Variants in RAB28 observed in about 807,000 individuals in gnomAD.
The protein encoded by RAB28 is RAB28, member RAS oncogene family, also known as ras-related protein Rab-28.
In RAB28, 24 loss-of-function variants were observed where a neutral mutation model predicts 31.7. The observed-to-expected ratio is 0.76, with a 90% CI of 0.55 to 1.06. The LOEUF is 1.06. Among genes scored for constraint, RAB28 ranks in the 50% least tolerant of loss-of-function variants. The pLI is 0.00. For synonymous variants in RAB28, 100 were observed against 90.4 expected (o/e 1.11, Z -0.60); for missense variants, 254 against 258.5 (o/e 0.98, Z 0.12).
intron 4 of RAB28, among the ~76,000 whole-genome samples, chr4:13,389,449 T>C (rs1729528941): frequency 6.6e-6 from 1 of 151,992 alleles, no homozygotes; most frequent in Non-Finnish European, 1.5e-5. Context: ...GTAAATTTTG[T>C]AGTTTTTTAA....
At chr4:13,404,871 G>A (rs1489168515) in intron 4 of RAB28, among the ~76,000 whole-genome samples, 2 of 149,384 alleles carry the variant, frequency 1.3e-5, no homozygotes, top group Non-Finnish European at 3.0e-5. Context: ...TTTTTTGTTG[G>A]TTTTCAGTTA....
At chr4:13,406,567 G>A (rs894806261) in intron 4 of RAB28, among the ~76,000 whole-genome samples, 2 of 152,150 alleles carry the variant, frequency 1.3e-5, no homozygotes, top group African/African-American at 4.8e-5. Flanking sequence ...GACCATTGAG[G>A]AATCGCCACA....
chr4:13,372,203 G>A (rs914241413), intron 6 of RAB28, among the ~76,000 whole-genome samples: 2 of 152,050 alleles, frequency 1.3e-5, no homozygotes, highest in African/African-American at 4.8e-5. Context: ...GTCTAGCACA[G>A]AAAACAGATG....
chr4:13,402,489 T>C (rs1711826331), intron 4 of RAB28, among the ~76,000 whole-genome samples: 1 of 152,228 alleles, frequency 6.6e-6, no homozygotes, highest in Non-Finnish European at 1.5e-5. Context: ...GATCAATATG[T>C]AATGTCCTCC....
chr4:13,394,047 T>C (rs1336558926), intron 4 of RAB28, among the ~76,000 whole-genome samples: 2 of 152,148 alleles, frequency 1.3e-5, no homozygotes, highest in East Asian at 3.8e-4. Context: ...TAAGTGAGCA[T>C]GTAAATAAAT....
intron 4 of RAB28, among the ~76,000 whole-genome samples, chr4:13,418,683 T>G (rs1359457144): frequency 6.6e-6 from 1 of 152,164 alleles, no homozygotes; most frequent in Non-Finnish European, 1.5e-5. Context: ...AATAAAATCC[T>G]TTACAGTCAA....
rs545982559 is a variant in RAB28, at chr4:13,478,172, G to A, written c.172+1258C>T. Among the ~76,000 whole-genome samples, 6 of 151,688 alleles carry A rather than the reference G, an allele frequency of 4.0e-5. No homozygotes were observed. The South Asian group carries it at 1.2e-3, about 31-fold the overall frequency. On this transcript the variant is annotated intron_variant, in intron 2 of 6. Transcript: ENST00000330852. ...GCTAGTGACTGCTGTTAAGTATTCT[G>A]AATGCAGCATAGATTATCCGTAAGA...
chr4:13,371,553 G>A, intron 6 of RAB28: 1 of 984,884 alleles, frequency 1.0e-6, no homozygotes, highest in Non-Finnish European at 1.2e-6. Flanking sequence ...TCAAATTAAT[G>A]AAGAATTAAC....
chr4:13,395,431 A>C (rs1050057493), intron 4 of RAB28, among the ~76,000 whole-genome samples: 1 of 152,082 alleles, frequency 6.6e-6, no homozygotes, highest in African/African-American at 2.4e-5. Flanking sequence ...AACAAGCAAA[A>C]TTCCCTTAAT....
intron 3 of RAB28, among the ~76,000 whole-genome samples, chr4:13,465,633 C>T (rs1715801871): frequency 6.6e-6 from 1 of 151,702 alleles, no homozygotes; most frequent in East Asian, 1.9e-4. Context: ...CAAACCTGCT[C>T]TGAAGGAAAT....
chr4:13,445,642 G>A (rs922828618), intron 4 of RAB28, among the ~76,000 whole-genome samples: 1 of 152,124 alleles, frequency 6.6e-6, no homozygotes, highest in Non-Finnish European at 1.5e-5. Flanking sequence ...AGTTTGCTGG[G>A]GGTCCACTCA....
chr4:13,368,689 G>C, intron 6 of RAB28, 39 bp from the exon 7 acceptor site: 1 of 1,541,556 alleles, frequency 6.5e-7, no homozygotes, highest in Non-Finnish European at 8.9e-7. Flanking sequence ...CAGGATATCA[G>C]AACATTTAGA....
chr4:13,429,852 C>T (rs1480645744), intron 4 of RAB28, among the ~76,000 whole-genome samples: 1 of 152,164 alleles, frequency 6.6e-6, no homozygotes, highest in African/African-American at 2.4e-5. Flanking sequence ...TAGAGAGAAC[C>T]ATACTTCCTG....
intron 2 of RAB28, among the ~76,000 whole-genome samples, chr4:13,475,805 A>G (rs1251709306): frequency 6.6e-6 from 1 of 151,590 alleles, no homozygotes; most frequent in Non-Finnish European, 1.5e-5. Context: ...AACTTGTACA[A>G]ATCGAATTTC....
chr4:13,451,432 T>C (rs1714962641), intron 4 of RAB28, among the ~76,000 whole-genome samples: 1 of 150,530 alleles, frequency 6.6e-6, no homozygotes, highest in Non-Finnish European at 1.5e-5. Context: ...TTTGTTTTGG[T>C]TTTTTGCTGT....
At chr4:13,391,603 C>T (rs1729632476) in intron 4 of RAB28, among the ~76,000 whole-genome samples, 1 of 152,132 alleles carries the variant, frequency 6.6e-6, no homozygotes, top group African/African-American at 2.4e-5. Flanking sequence ...GACATATGCA[C>T]ACGTATGTTT....
At position 13,370,194 on chromosome 4, in the gene RAB28, T is replaced by C. The variant is rs148820060; in HGVS notation, c.574-1544A>G. ...AGGAACAAAGACCCAAGAAACATTATTCTTTGTAATTCTATTTAATTACTG... is the reference window on the plus strand; with the variant it reads ...AGGAACAAAGACCCAAGAAACATTACTCTTTGTAATTCTATTTAATTACTG... On this transcript the variant is annotated intron_variant, in intron 6 of 6. Transcript: ENST00000330852. 7.6e-4 allele frequency: 742 copies of C among 977,168 alleles called. 1 individual carries two copies. The highest frequency in any genetic ancestry group is 7.8e-4 in the Non-Finnish European group (642 of 822,606). The allele number at this position is 977,168 out of a possible 1,614,324, so 60.5% of individuals were successfully genotyped here. A position where few individuals can be genotyped will look rare whatever the true frequency, so the allele number is the denominator to read the frequency against.
intron 4 of RAB28, chr4:13,459,975 G>C: frequency 8.6e-7 from 1 of 1,162,988 alleles, no homozygotes; most frequent in Admixed American, 2.3e-5. Flanking sequence ...ACCTTCACAG[G>C]AATTGACCAA....
chr4:13,383,247 T>C (rs1729211367), intron 4 of RAB28, among the ~76,000 whole-genome samples: 1 of 152,138 alleles, frequency 6.6e-6, no homozygotes, highest in Admixed American at 6.5e-5. Context: ...AAAATCCCCA[T>C]TGAAATCGCC....
Sources: gnomAD v4.1 joint callset for allele counts (sites outside exome capture counted in the v4.1 genomes callset) on GRCh38, gnomAD v4.1.1 for gene constraint, MANE v1.5 for transcripts, NCBI Gene and HGNC (gene_info 2026-07-23, HGNC 2026-07-21) for gene names.